The following ZNF804A variants were observed in gnomAD, a reference collection of about 807,000 sequenced individuals.
ZNF804A encodes the protein zinc finger protein 804A.
A neutral mutation model predicts 16.5 loss-of-function variants in ZNF804A; 2 were observed. The ratio of observed to expected loss-of-function variants is 0.12; its 90% CI spans 0.05 to 0.38. ZNF804A has a LOEUF of 0.38. ZNF804A is among the 10% of genes least tolerant of loss of function. ZNF804A has a pLI of 0.99. For synonymous variants in ZNF804A, 534 were observed against 489.6 expected (o/e 1.09, Z -1.20); for missense variants, 1,473 against 1,390.7 (o/e 1.06, Z -0.94).
chr2:184,725,163 T>C (rs1693386829), intron 1 of ZNF804A, among the ~76,000 whole-genome samples: 1 of 151,700 alleles, frequency 6.6e-6, no homozygotes, highest in Non-Finnish European at 1.5e-5. Context: ...TTAGCTTGTC[T>C]AAATCTATTT....
chr2:184,758,381 ACAC>A (rs1693990270), intron 1 of ZNF804A, among the ~76,000 whole-genome samples: 3 of 74,134 alleles, frequency 4.0e-5, no homozygotes, highest in African/African-American at 2.0e-4. Context: ...ACAAGTCACT[ACAC>A]TACTTTAGGT....
intron 2 of ZNF804A, among the ~76,000 whole-genome samples, chr2:184,917,418 A>G (rs1267242588): frequency 6.6e-6 from 1 of 152,132 alleles, no homozygotes; most frequent in African/African-American, 2.4e-5. Flanking sequence ...ATGTTATTCA[A>G]TACATATTAT....
intron 1 of ZNF804A, among the ~76,000 whole-genome samples, chr2:184,743,076 T>C (rs926295692): frequency 2.6e-5 from 4 of 151,988 alleles, no homozygotes; most frequent in East Asian, 1.9e-4. Context: ...GTTGGCAAAA[T>C]TGATGTTTTT....
intron 2 of ZNF804A, among the ~76,000 whole-genome samples, chr2:184,924,991 T>A (rs1007195529): frequency 6.6e-6 from 1 of 152,056 alleles, no homozygotes; most frequent in Admixed American, 6.6e-5. Flanking sequence ...ATCCATATAA[T>A]GAAGAAAAGA....
intron 1 of ZNF804A, among the ~76,000 whole-genome samples, chr2:184,835,564 G>A (rs1234398043): frequency 6.6e-6 from 1 of 151,668 alleles, no homozygotes; most frequent in East Asian, 1.9e-4. Flanking sequence ...TCCAAGCCCT[G>A]CCTCCAGAGT....
chr2:184,760,347 A>G (rs761554580), intron 1 of ZNF804A, among the ~76,000 whole-genome samples: 12 of 152,176 alleles, frequency 7.9e-5, no homozygotes, highest in Non-Finnish European at 1.6e-4. Flanking sequence ...ATAAGTACAT[A>G]TGCATATGAC....
intron 2 of ZNF804A, among the ~76,000 whole-genome samples, chr2:184,882,217 G>A (rs1165773797): frequency 6.6e-6 from 1 of 151,962 alleles, no homozygotes; most frequent in African/African-American, 2.4e-5. Flanking sequence ...TAATGGTATA[G>A]AGCTCATATC....
intron 1 of ZNF804A, among the ~76,000 whole-genome samples, chr2:184,694,926 G>A (rs547609784): frequency 4.6e-5 from 7 of 152,224 alleles, no homozygotes; most frequent in South Asian, 2.1e-4. Flanking sequence ...ATGGATGTAC[G>A]AATTACACTA....
intron 1 of ZNF804A, among the ~76,000 whole-genome samples, chr2:184,754,406 C>T (rs930468046): frequency 1.3e-4 from 19 of 151,820 alleles, no homozygotes; most frequent in Admixed American, 7.2e-4. Context: ...CTTATATAAC[C>T]GTTTCCCCAT....
At position 184,932,558 on chromosome 2, in the gene ZNF804A, C is replaced by T. The variant is rs193286999; in HGVS notation, c.256-1045C>T. On this transcript the variant is annotated intron_variant, in intron 2 of 3. Transcript: ENST00000302277. Reference sequence around the variant, plus strand: ...TTACCTCCCACTGGGTACTTCGCACCACACGTGGGAATTATGGATGCTACA... The same window carrying T: ...TTACCTCCCACTGGGTACTTCGCACTACACGTGGGAATTATGGATGCTACA... Among the ~76,000 whole-genome samples the T allele has an allele frequency of 1.1e-3, 170 of 152,204 alleles. 2 individuals are homozygous for T. The highest frequency in any genetic ancestry group is 3.9e-3 in the African/African-American group (161 of 41,536).
chr2:184,697,253 G>A (rs1559128974), intron 1 of ZNF804A, among the ~76,000 whole-genome samples: 3 of 151,920 alleles, frequency 2.0e-5, no homozygotes, highest in Admixed American at 6.6e-5. Context: ...ATTTGTGAAG[G>A]GAATAATGAA....
intron 1 of ZNF804A, among the ~76,000 whole-genome samples, chr2:184,603,463 T>C (rs1419388355): frequency 6.6e-6 from 1 of 152,222 alleles, no homozygotes; most frequent in Non-Finnish European, 1.5e-5. Flanking sequence ...CTATTTGGCC[T>C]TTTGTTTTAG....
At chr2:184,757,036 C>T (rs1385908916) in intron 1 of ZNF804A, among the ~76,000 whole-genome samples, 3 of 152,020 alleles carry the variant, frequency 2.0e-5, no homozygotes, top group Non-Finnish European at 2.9e-5. Context: ...TTCCACAAGT[C>T]TCAAGGTCTC....
At chr2:184,917,794 T>TACACACAC (rs148689593) in intron 2 of ZNF804A, among the ~76,000 whole-genome samples, 7 of 142,942 alleles carry the variant, frequency 4.9e-5, no homozygotes, top group African/African-American at 1.0e-4. Context: ...AACTAGCACA[T>TACACACAC]ACACACACAC....
chr2:184,608,266 A>G (rs1032347652), intron 1 of ZNF804A, among the ~76,000 whole-genome samples: 2 of 152,162 alleles, frequency 1.3e-5, no homozygotes, highest in Non-Finnish European at 2.9e-5. Context: ...TGAAGAGAGT[A>G]TAAGGGGTTG....
At chr2:184,886,055 A>G (rs1234477242) in intron 2 of ZNF804A, among the ~76,000 whole-genome samples, 2 of 152,162 alleles carry the variant, frequency 1.3e-5, no homozygotes, top group Non-Finnish European at 2.9e-5. Flanking sequence ...GACAAGGCAA[A>G]TGCCTTCCAT....
At chr2:184,853,615 G>T (rs1051992356) in intron 1 of ZNF804A, among the ~76,000 whole-genome samples, 1 of 151,096 alleles carries the variant, frequency 6.6e-6, no homozygotes, top group Admixed American at 6.6e-5. Context: ...AGGATGTTGA[G>T]TTTAGTTAAA....
chr2:184,813,573 A>G (rs915936226), intron 1 of ZNF804A, among the ~76,000 whole-genome samples: 1 of 152,108 alleles, frequency 6.6e-6, no homozygotes, highest in African/African-American at 2.4e-5. Context: ...ATATAAGGGC[A>G]AGGCAGAGAT....
chr2:184,769,567 G>A lies in ZNF804A; in HGVS notation c.112-96802G>A, dbSNP rs114932088. ...ATTTATATAGGCGAAGAAATGGAAG[G>A]TCTGCTATATTTAGTGTCTACAAAG... On this transcript the variant is annotated intron_variant, in intron 1 of 3. Transcript: ENST00000302277. Among the ~76,000 whole-genome samples the A allele has an allele frequency of 9.8e-3, 1,490 of 152,026 alleles. 11 individuals carry two copies. Among genetic ancestry groups the A allele is most frequent in the Non-Finnish European group, 0.017 (1,166 of 67,984 alleles).
Sources: allele counts gnomAD v4.1 joint callset (sites outside exome capture counted in the v4.1 genomes callset), GRCh38; gene constraint gnomAD v4.1.1; transcripts MANE v1.5; gene names NCBI Gene and HGNC (gene_info 2026-07-23, HGNC 2026-07-21).